The following CLNS1A variants were observed in gnomAD, a reference collection of about 807,000 sequenced individuals.
The protein encoded by CLNS1A is chloride nucleotide-sensitive channel 1A.
A neutral mutation model predicts 29.4 loss-of-function variants in CLNS1A; 16 were observed. The observed-to-expected ratio is 0.54, with a 90% CI of 0.37 to 0.83. The LOEUF is 0.83. Among genes scored for constraint, CLNS1A ranks in the 40% least tolerant of loss-of-function variants. The pLI, the probability that CLNS1A is intolerant of heterozygous loss-of-function variation, is 0.00. For synonymous variants in CLNS1A, 96 were observed against 104.8 expected (o/e 0.92, Z 0.51); for missense variants, 235 against 287.4 (o/e 0.82, Z 1.32).
intron 1 of CLNS1A, among the ~76,000 whole-genome samples, chr11:77,632,089 T>C (rs566300968): frequency 2.0e-5 from 3 of 152,212 alleles, no homozygotes; most frequent in African/African-American, 7.2e-5. Context: ...TACAAATTGT[T>C]TTCCAGAACA....
At chr11:77,626,714 C>T (rs1162113627) in intron 2 of CLNS1A, among the ~76,000 whole-genome samples, 3 of 133,652 alleles carry the variant, frequency 2.2e-5, no homozygotes, top group South Asian at 2.4e-4. Context: ...TTTTTTGAGA[C>T]GGAGTCTTGC....
intron 5 of CLNS1A, among the ~76,000 whole-genome samples, chr11:77,620,366 C>T (rs984852678): frequency 4.6e-5 from 7 of 152,210 alleles, no homozygotes; most frequent in African/African-American, 1.4e-4. Context: ...ATTTGCTCCT[C>T]GTCTTCCACC....
chr11:77,626,007 C>T (rs1035638654), intron 2 of CLNS1A, among the ~76,000 whole-genome samples, 189 bp from the exon 3 acceptor site: 2 of 152,148 alleles, frequency 1.3e-5, no homozygotes, highest in Non-Finnish European at 2.9e-5. Context: ...CTCCTGACCT[C>T]GAGATCCACG....
chr11:77,619,559 C>G (rs773783431), intron 6 of CLNS1A, 47 bp downstream of exon 6: 1 of 1,182,342 alleles, frequency 8.5e-7, no homozygotes, highest in Non-Finnish European at 1.3e-6. Context: ...GTAATCATTT[C>G]ATATGATTTT....
chr11:77,622,110 T>C (rs917415638), intron 5 of CLNS1A: 1 of 456,068 alleles, frequency 2.2e-6, no homozygotes, highest in African/African-American at 2.0e-5. Context: ...CCTCCAAAAC[T>C]ATGAGACAAT....
At chr11:77,623,320 T>G (rs1958982095) in intron 4 of CLNS1A, among the ~76,000 whole-genome samples, 1 of 152,166 alleles carries the variant, frequency 6.6e-6, no homozygotes, top group Non-Finnish European at 1.5e-5. Context: ...CCAGGTGCAG[T>G]GGCTGACGTT....
rs571148835 is a variant in CLNS1A at position 77,619,745 on chromosome 11, G to A, written c.647-50C>T. The A allele has an allele frequency of 8.1e-5, 102 of 1,258,648 alleles. No individual in the cohort carries two copies. In the South Asian group the frequency reaches 9.7e-4, roughly 12 times the overall value. 78.0% of individuals were successfully genotyped at this position (1,258,648 alleles called of 1,614,324 possible). A position where few individuals can be genotyped will look rare whatever the true frequency, so the allele number is the denominator to read the frequency against. ...GCAATCCCTATGAACACTTCAGACA[G>A]GTAGATTCAACTTATAACTTCTACC... On this transcript the variant is annotated intron_variant, in intron 5 of 6. Transcript: ENST00000525428.
chr11:77,622,330 C>T (rs1289959274), intron 5 of CLNS1A, 170 bp downstream of exon 5: 1 of 625,046 alleles, frequency 1.6e-6, no homozygotes, highest in East Asian at 2.8e-5. Context: ...GAAAAAAAAT[C>T]ACTAAAAACA....
intron 5 of CLNS1A, among the ~76,000 whole-genome samples, chr11:77,620,706 G>A (rs186848235): frequency 2.0e-4 from 31 of 152,264 alleles, no homozygotes; most frequent in African/African-American, 6.7e-4. Flanking sequence ...CTACTCGGGA[G>A]GCTGAGGCAG....
intron 4 of CLNS1A, among the ~76,000 whole-genome samples, chr11:77,623,696 G>T (rs1402316148): frequency 6.6e-6 from 1 of 152,126 alleles, no homozygotes; most frequent in African/African-American, 2.4e-5. Context: ...ATATATTTAG[G>T]TATGTGATGG....
At chr11:77,636,574 T>C (rs1590806473) in intron 1 of CLNS1A, among the ~76,000 whole-genome samples, 2 of 152,204 alleles carry the variant, frequency 1.3e-5, no homozygotes, top group East Asian at 3.8e-4. Flanking sequence ...AGGCAGAATT[T>C]TGGCCCCACG....
intron 4 of CLNS1A, among the ~76,000 whole-genome samples, chr11:77,622,949 G>GAAAAAA (rs35752186): frequency 1.9e-5 from 2 of 105,814 alleles, no homozygotes; most frequent in African/African-American, 3.8e-5. Flanking sequence ...CCTTGTCTTG[G>GAAAAAA]AAAAAAAAAA....
chr11:77,633,084 C>CAAAAAAAA (rs887085397), intron 1 of CLNS1A, among the ~76,000 whole-genome samples: 3 of 55,592 alleles, frequency 5.4e-5, no homozygotes, highest in African/African-American at 1.2e-4. Flanking sequence ...GACTCCATCT[C>CAAAAAAAA]AAAAAAAAAA....
chr11:77,632,907 C>T (rs1247771663), intron 1 of CLNS1A, among the ~76,000 whole-genome samples: 1 of 151,548 alleles, frequency 6.6e-6, no homozygotes, highest in East Asian at 1.9e-4. Context: ...ACCAACATGG[C>T]GAAACCCTGT....
At chr11:77,628,786 C>T (rs7946637) in intron 2 of CLNS1A, among the ~76,000 whole-genome samples, 118,665 of 152,172 alleles carry the variant, frequency 0.78, 46,979 homozygotes, top group African/African-American at 0.91. Context: ...CTTCACTAGA[C>T]TTTTACAAGT....
intron 5 of CLNS1A, among the ~76,000 whole-genome samples, chr11:77,620,716 G>T (rs1218419420): frequency 6.6e-6 from 1 of 152,002 alleles, no homozygotes; most frequent in African/African-American, 2.4e-5. Context: ...GGCTGAGGCA[G>T]GAGAATGGCT....
chr11:77,636,740 T>G (rs1474523469), intron 1 of CLNS1A, among the ~76,000 whole-genome samples: 1 of 152,112 alleles, frequency 6.6e-6, no homozygotes, highest in African/African-American at 2.4e-5. Flanking sequence ...CTCTTAAAAG[T>G]AGAGAATTTT....
At chr11:77,628,279 C>G (rs1044242785) in intron 2 of CLNS1A, among the ~76,000 whole-genome samples, 1 of 152,182 alleles carries the variant, frequency 6.6e-6, no homozygotes, top group Non-Finnish European at 1.5e-5. Context: ...AGTTGACTGA[C>G]AAGAGCAAGG....
intron 1 of CLNS1A, among the ~76,000 whole-genome samples, chr11:77,630,750 C>T (rs547107247): frequency 2.0e-5 from 3 of 151,938 alleles, no homozygotes; most frequent in South Asian, 4.2e-4. Context: ...GGAGCTGTAC[C>T]ACTTAGCAGA....
Sources: gnomAD v4.1 joint callset for allele counts (sites outside exome capture counted in the v4.1 genomes callset) on GRCh38, gnomAD v4.1.1 for gene constraint, MANE v1.5 for transcripts, NCBI Gene and HGNC (gene_info 2026-07-23, HGNC 2026-07-21) for gene names.